The following SCARA3 variants were observed in gnomAD, a reference collection of about 807,000 sequenced individuals.
The protein encoded by SCARA3 is scavenger receptor class A member 3, also known as cellular stress response gene protein.
Under a neutral mutation model 47.0 loss-of-function variants are expected in SCARA3, and 39 were observed. The ratio of observed to expected loss-of-function variants is 0.83; its 90% CI spans 0.64 to 1.08. The LOEUF (loss-of-function observed/expected upper bound fraction) is 1.08, where lower values mean the gene tolerates loss of function less well. Ranked by LOEUF, SCARA3 falls within the 50% of genes least tolerant of loss-of-function variation. The pLI is 0.00. For missense variants in SCARA3, 724 were observed against 792.3 expected, an observed-to-expected ratio of 0.91 and a Z score of 1.04; for synonymous variants, 356 against 334.1, an observed-to-expected ratio of 1.07 and a Z score of -0.71.
At chr8:27,650,883 C>A (rs1454668403) in intron 2 of SCARA3, among the ~76,000 whole-genome samples, 2 of 152,118 alleles carry the variant, frequency 1.3e-5, no homozygotes, top group African/African-American at 4.8e-5. Context: ...TGGGGCTTTT[C>A]ATTTTCTTTT....
the SCARA3 span, among the ~76,000 whole-genome samples, chr8:27,705,036 G>A: frequency 6.6e-6 from 1 of 152,078 alleles, no homozygotes; most frequent in South Asian, 2.1e-4. Context: ...TGGCCAAAAC[G>A]GAACTCACAC....
the SCARA3 span, among the ~76,000 whole-genome samples, chr8:27,687,775 G>C: frequency 6.6e-6 from 1 of 151,852 alleles, no homozygotes; most frequent in African/African-American, 2.4e-5. Context: ...CCAGCACTTT[G>C]GGAGGCCAAG....
the SCARA3 span, among the ~76,000 whole-genome samples, chr8:27,717,572 G>A: frequency 6.6e-6 from 1 of 152,152 alleles, no homozygotes; most frequent in African/African-American, 2.4e-5. Context: ...ATTACTTGAG[G>A]TCGCGGGTTC....
the SCARA3 span, among the ~76,000 whole-genome samples, chr8:27,727,326 A>T: frequency 6.6e-6 from 1 of 152,192 alleles, no homozygotes; most frequent in African/African-American, 2.4e-5. Context: ...CTTGAAGCAC[A>T]GCTTTTTGTG....
At chr8:27,727,431 C>T in the SCARA3 span, among the ~76,000 whole-genome samples, 1 of 152,222 alleles carries the variant, frequency 6.6e-6, no homozygotes, top group Non-Finnish European at 1.5e-5. Flanking sequence ...CTGCCACCTG[C>T]TGGTCCTTCG....
the SCARA3 span, among the ~76,000 whole-genome samples, chr8:27,691,310 A>G: frequency 1.3e-5 from 2 of 151,736 alleles, no homozygotes; most frequent in Non-Finnish European, 2.9e-5. Flanking sequence ...CCCCACCCCA[A>G]CCCCAGTCTT....
At chr8:27,657,749 C>T (rs1040456301) in intron 4 of SCARA3, among the ~76,000 whole-genome samples, 4 of 151,716 alleles carry the variant, frequency 2.6e-5, no homozygotes, top group Non-Finnish European at 5.9e-5. Context: ...ACTGTGTTAG[C>T]CAGGATGGTC....
chr8:27,680,715 G>T (rs993695976), downstream of SCARA3, among the ~76,000 whole-genome samples: 7 of 152,024 alleles, frequency 4.6e-5, no homozygotes, highest in African/African-American at 1.7e-4. Flanking sequence ...TAATCCTCAG[G>T]AATATAAATG....
At chr8:27,710,035 C>T in the SCARA3 span, among the ~76,000 whole-genome samples, 1 of 152,136 alleles carries the variant, frequency 6.6e-6, no homozygotes. Flanking sequence ...TCAAGACCAT[C>T]CTGGCCAACA....
the SCARA3 span, among the ~76,000 whole-genome samples, chr8:27,705,257 C>T: frequency 4.6e-5 from 7 of 152,198 alleles, no homozygotes; most frequent in Non-Finnish European, 7.3e-5. Context: ...GGTGACCCCA[C>T]CTGGCTCCCT....
At chr8:27,725,008 T>A in the SCARA3 span, among the ~76,000 whole-genome samples, 2 of 152,028 alleles carry the variant, frequency 1.3e-5, no homozygotes, top group Non-Finnish European at 2.9e-5. Context: ...ATAGGAAGAA[T>A]CGGTGGTGGC....
At chr8:27,664,881 A>G (rs914445911) in intron 5 of SCARA3, among the ~76,000 whole-genome samples, 2 of 152,132 alleles carry the variant, frequency 1.3e-5, no homozygotes, top group Admixed American at 1.3e-4. Context: ...ACATTTGTTT[A>G]AATTGTGTCT....
At chr8:27,683,166 A>T in the SCARA3 span, among the ~76,000 whole-genome samples, 2 of 152,182 alleles carry the variant, frequency 1.3e-5, no homozygotes, top group Non-Finnish European at 2.9e-5. Flanking sequence ...GTGCTGACTG[A>T]GAGAAGCCAT....
chr8:27,711,219 G>C, the SCARA3 span, among the ~76,000 whole-genome samples: 2 of 152,246 alleles, frequency 1.3e-5, no homozygotes, highest in Middle Eastern at 3.4e-3. Flanking sequence ...ACCACACCAG[G>C]CCCTGGGCTC....
In SCARA3 at chr8:27,672,109, C is replaced by A; in HGVS notation, c.*758C>A. The A allele has an allele frequency of 1.0e-6, 1 of 985,470 alleles. No individual in the cohort carries two copies. The highest frequency in any genetic ancestry group is 1.2e-6 in the Non-Finnish European group (1 of 829,966). The allele number at this position is 985,470 out of a possible 1,614,324, so 61.0% of individuals were successfully genotyped here. A position where few individuals can be genotyped will look rare whatever the true frequency, so the allele number is the denominator to read the frequency against. Reference sequence around the variant, plus strand: ...GCAACCACAAGACCCTCCCCATAAGCAGGGGACCAGCATACCCGGGAGCTG... The same window carrying A: ...GCAACCACAAGACCCTCCCCATAAGAAGGGGACCAGCATACCCGGGAGCTG... On this transcript the variant is annotated 3_prime_UTR_variant, in exon 6 of 6. Coordinates refer to ENST00000301904, the MANE Select transcript of SCARA3 (RefSeq NM_016240.3).
At chr8:27,646,972 GCCCCC>G (rs757314343) in intron 1 of SCARA3, among the ~76,000 whole-genome samples, 1 of 23,482 alleles carries the variant, frequency 4.3e-5, no homozygotes, top group Admixed American at 8.4e-4. Flanking sequence ...GACCGCCCCC[GCCCCC>G]CCCCCGCACA....
the SCARA3 span, among the ~76,000 whole-genome samples, chr8:27,696,719 C>G: frequency 2.0e-5 from 3 of 150,198 alleles, no homozygotes; most frequent in African/African-American, 7.3e-5. Flanking sequence ...CCTGCCTCAG[C>G]CTCCCAAGGT....
intron 1 of SCARA3, among the ~76,000 whole-genome samples, chr8:27,642,053 AT>A (rs1021143546): frequency 5.3e-5 from 8 of 152,040 alleles, no homozygotes; most frequent in African/African-American, 1.9e-4. Flanking sequence ...TGGGCTTATT[AT>A]TTTTTTTGGC....
chr8:27,683,518 C>T, the SCARA3 span, among the ~76,000 whole-genome samples: 1 of 152,162 alleles, frequency 6.6e-6, no homozygotes, highest in African/African-American at 2.4e-5. Flanking sequence ...CTTAAACAGA[C>T]ATAAAAAGTC....
Sources: gnomAD v4.1 joint callset for allele counts (sites outside exome capture counted in the v4.1 genomes callset) on GRCh38, gnomAD v4.1.1 for gene constraint, MANE v1.5 for transcripts, NCBI Gene and HGNC (gene_info 2026-07-23, HGNC 2026-07-21) for gene names.